ZNF133: variants seen among roughly 807,000 people sequenced by gnomAD.
The protein encoded by ZNF133 is zinc finger protein 133.
ZNF133 carries 26 observed loss-of-function variants against 54.9 expected under a neutral mutation model. The observed-to-expected ratio is 0.47, with a 90% CI of 0.35 to 0.66. The LOEUF (loss-of-function observed/expected upper bound fraction) is 0.66. ZNF133 is among the 30% of genes least tolerant of loss of function. ZNF133 has a pLI of 0.01. For synonymous variants in ZNF133, 298 were observed against 320.3 expected (o/e 0.93, Z 0.74); for missense variants, 653 against 820.8 (o/e 0.80, Z 2.50).
At chr20:18,307,282 T>G (rs1014504060) in intron 6 of ZNF133, among the ~76,000 whole-genome samples, 37 of 152,360 alleles carry the variant, frequency 2.4e-4, no homozygotes, top group Middle Eastern at 3.4e-3. Context: ...TTCTTGAACC[T>G]TAAGGACTTC....
chr20:18,295,964 C>T (rs1439899433), intron 1 of ZNF133, among the ~76,000 whole-genome samples: 3 of 152,164 alleles, frequency 2.0e-5, no homozygotes, highest in African/African-American at 7.2e-5. Flanking sequence ...CCTGTATATA[C>T]GTAGTGTTTT....
chr20:18,301,564 A>G (rs1032855899), intron 3 of ZNF133, among the ~76,000 whole-genome samples: 1 of 152,236 alleles, frequency 6.6e-6, no homozygotes, highest in Non-Finnish European at 1.5e-5. Flanking sequence ...TACTAAAATC[A>G]GAAATGAAAG....
At chr20:18,290,365 T>TG (rs2040674603) in intron 1 of ZNF133, among the ~76,000 whole-genome samples, 1 of 152,230 alleles carries the variant, frequency 6.6e-6, no homozygotes, top group Non-Finnish European at 1.5e-5. Flanking sequence ...TCTGTTCTTC[T>TG]GTCTTCCAAT....
chr20:18,305,647 TTC>T lies in ZNF133; in HGVS notation c.-6-32_-6-31del. 6.2e-7 allele frequency: 1 copy of T among 1,613,882 alleles called. No individual in the cohort carries two copies. The stretch of plus-strand genomic sequence containing the variant: ...TCACCCTGCCATGGGCAAGGCTGGC[TTC>T]TGAGTGAGCAGGGCTCAGTTTTGTG... On this transcript the variant is annotated intron_variant, in intron 4 of 6. Transcript: ENST00000425686. This position sits in a 1 kb window ranked among gnomAD's most constrained non-coding sequence, Gnocchi z 4.7.
chr20:18,303,416 A>T (rs2043865121), intron 3 of ZNF133, among the ~76,000 whole-genome samples: 1 of 152,190 alleles, frequency 6.6e-6, no homozygotes, highest in Non-Finnish European at 1.5e-5. Context: ...CCCTATAAAA[A>T]TAACAATTTT....
In ZNF133 at chr20:18,316,974, T is replaced by C. The variant is rs544977305; in HGVS notation, c.*158T>C. The stretch of plus-strand genomic sequence containing the variant: ...TTTGTGGCCTTCGGTTGTAATAAAC[T>C]TGGCTTCTTTATACATCTGTAACTG... On this transcript the variant is annotated 3_prime_UTR_variant, in exon 7 of 7. Coordinates refer to ENST00000425686, the MANE Select transcript of ZNF133 (RefSeq NM_001352452.2). The C allele has an allele frequency of 6.0e-5, 55 of 917,452 alleles. No homozygotes were observed. The South Asian group carries it at 8.8e-4, about 15-fold the overall frequency. The allele number at this position is 917,452 out of a possible 1,614,324, so 56.8% of individuals were successfully genotyped here.
rs774307312 is a variant in ZNF133, at chr20:18,315,495, A to C, written c.644A>C (p.Asn215Thr). The stretch of plus-strand genomic sequence containing the variant: ...GAAGTCTTAGGATTTGGAACAGTCA[A>C]CTGTGGAGAGTGTGGACTGAGCTTC... ...RIEVLGFGTV[N>T]CGECGLSFSK... The change falls in exon 7 of 7, where the codon AAC becomes ACC. Residue 215 changes from asparagine (N) to threonine (T), a missense_variant. Transcript: ENST00000425686. The C allele has an allele frequency of 1.2e-6, 2 of 1,614,210 alleles. No individual in the cohort carries two copies. Among genetic ancestry groups the C allele is most frequent in the East Asian group, 4.5e-5 (2 of 44,884 alleles).
intron 6 of ZNF133, chr20:18,310,067 T>G: frequency 8.9e-7 from 1 of 1,119,432 alleles, no homozygotes; most frequent in Non-Finnish European, 1.1e-6. Context: ...AAGTATAGAA[T>G]TATCAAAACA....
At chr20:18,288,655 C>G (rs965148618) in intron 1 of ZNF133, 51 bp downstream of exon 1, 5 of 398,424 alleles carry the variant, frequency 1.3e-5, no homozygotes, top group African/African-American at 1.0e-4. Flanking sequence ...CTTTTCTGCG[C>G]GAAAAGGAAG....
chr20:18,306,749 CA>C, intron 6 of ZNF133: 1 of 1,330,854 alleles, frequency 7.5e-7, no homozygotes. Context: ...AGAAAGAAGG[CA>C]AGCCCAGTGG....
chr20:18,316,753 G>T lies in ZNF133; in HGVS notation c.1902G>T (p.Leu634=). 1 of 1,614,190 alleles carries T rather than the reference G, an allele frequency of 6.2e-7. No homozygotes were observed. Among genetic ancestry groups the T allele is most frequent in the Non-Finnish European group, 8.5e-7 (1 of 1,180,026 alleles). ...HRKTTSVHHR[L]PVQPDPEPCA... is the part of the protein sequence containing the mutation. ...AGACCACGTCTGTCCACCACAGACT[G>T]CCAGTGCAGCCCGACCCTGAGCCGT... Residue 634 remains leucine, a synonymous_variant, in exon 7 of 7, where the codon CTG becomes CTT. Coordinates refer to ENST00000425686, the MANE Select transcript of ZNF133 (RefSeq NM_001352452.2).
intron 3 of ZNF133, among the ~76,000 whole-genome samples, chr20:18,304,305 A>G (rs1466460840): frequency 6.6e-6 from 1 of 152,238 alleles, no homozygotes; most frequent in Non-Finnish European, 1.5e-5. Flanking sequence ...ACCCTTGTGC[A>G]TTGCGGGTGG....
rs2042583051 is a variant in ZNF133 at position 18,298,000 on chromosome 20, TATC to T, written c.-412_-410del. 6.5e-7 allele frequency: 1 copy of T among 1,533,152 alleles called. No homozygotes were observed. The highest frequency in any genetic ancestry group is 1.4e-5 in the African/African-American group (1 of 73,092). 95.0% of individuals were successfully genotyped at this position (1,533,152 alleles called of 1,614,324 possible). A position where few individuals can be genotyped will look rare whatever the true frequency, so the allele number is the denominator to read the frequency against. On this transcript the variant is annotated 5_prime_UTR_variant, in exon 2 of 7. Coordinates refer to ENST00000425686, the MANE Select transcript of ZNF133 (RefSeq NM_001352452.2). ...CCTTACCCAGATCTACCTTCTGAGA[TATC>T]ATCCTTCTTCAGGGAGATAAGGAAA...
intron 6 of ZNF133, 185 bp downstream of exon 6, chr20:18,306,578 T>C (rs2044662838): frequency 1.2e-6 from 1 of 857,996 alleles, no homozygotes; most frequent in East Asian, 2.9e-5. Context: ...GACGGGGCTT[T>C]CCTGGTGTCT....
chr20:18,314,241 A>G (rs1438434772), intron 6 of ZNF133: 2 of 152,208 alleles, frequency 1.3e-5, no homozygotes, highest in East Asian at 3.8e-4. Context: ...CTCGTTACTC[A>G]TATTGCCTGG....
At chr20:18,304,667 A>G (rs1249000989) in intron 3 of ZNF133, among the ~76,000 whole-genome samples, 1 of 152,246 alleles carries the variant, frequency 6.6e-6, no homozygotes, top group Non-Finnish European at 1.5e-5. Flanking sequence ...TTGTAGCTAC[A>G]TAGAATAACC....
At chr20:18,297,924 C>A in intron 1 of ZNF133, 61 bp from the exon 2 acceptor site, 3 of 1,141,190 alleles carry the variant, frequency 2.6e-6, no homozygotes, top group Non-Finnish European at 1.3e-6. Context: ...GCAGGCCCTG[C>A]TTCACTCATG....
intron 6 of ZNF133, chr20:18,314,253 CATTG>C (rs1462712331): frequency 1.3e-5 from 2 of 152,166 alleles, no homozygotes; most frequent in Non-Finnish European, 2.9e-5. Context: ...ATTGCCTGGT[CATTG>C]ATTGCCTTCA....
At position 18,306,452 on chromosome 20, in the gene ZNF133, G is replaced by A. The variant is rs2044626782; in HGVS notation, c.217+59G>A. 2.6e-6 allele frequency: 4 copies of A among 1,538,094 alleles called. No homozygotes were observed. In the Admixed American group the frequency reaches 5.4e-5, roughly 21 times the overall value. ...AGCTCAGCAGCTCAGAGGACTGGGG[G>A]AGAGGAGGCGTTGCTCAGGTGCTGG... On this transcript the variant is annotated intron_variant, in intron 6 of 6. Transcript: ENST00000425686.
Sources: allele counts gnomAD v4.1 joint callset (sites outside exome capture counted in the v4.1 genomes callset), GRCh38; gene constraint gnomAD v4.1.1; non-coding constraint Gnocchi (gnomAD v3.1); transcripts MANE v1.5; gene names NCBI Gene and HGNC (gene_info 2026-07-23, HGNC 2026-07-21).